The following PRC1 variants were observed in gnomAD, a reference collection of about 807,000 sequenced individuals.
The protein encoded by PRC1 is protein regulator of cytokinesis 1.
PRC1 carries 54 observed loss-of-function variants against 91.2 expected under a neutral mutation model. That is an observed-to-expected ratio of 0.59 (90% confidence interval 0.48 to 0.74). PRC1 has a LOEUF of 0.74. Among genes scored for constraint, PRC1 ranks in the 30% least tolerant of loss-of-function variants. The probability of loss-of-function intolerance (pLI) is 0.00; values close to 1 mark genes in which losing one functional copy is unlikely to be tolerated. For synonymous variants in PRC1, 275 were observed against 263.6 expected (o/e 1.04, Z -0.42); for missense variants, 727 against 746.2 (o/e 0.97, Z 0.30).
At chr15:90,967,457 A>G in intron 14 of PRC1, 1 of 519,786 alleles carries the variant, frequency 1.9e-6, no homozygotes, top group Non-Finnish European at 3.5e-6. Flanking sequence ...CACCTCACAG[A>G]AGAGAAATCC....
chr15:90,986,895 A>C (rs1000648745), intron 1 of PRC1, among the ~76,000 whole-genome samples: 2 of 150,878 alleles, frequency 1.3e-5, no homozygotes, highest in Non-Finnish European at 3.0e-5. Context: ...AGAGGAAGGA[A>C]AAAAAAAACA....
At chr15:90,967,721 TATA>T in intron 14 of PRC1, 1 of 612,560 alleles carries the variant, frequency 1.6e-6, no homozygotes, top group Non-Finnish European at 2.0e-6. Flanking sequence ...CGCCATACCA[TATA>T]GTTTAGGTGT....
In PRC1 at chr15:90,984,249, G is replaced by T; in HGVS notation, c.145-109C>A. ...TTTTTCTTTTTCTTTTTTTCTTTGAGATGGAGTCTCGCTCTGTTGCCCAGG... is the reference window on the plus strand; with the variant it reads ...TTTTTCTTTTTCTTTTTTTCTTTGATATGGAGTCTCGCTCTGTTGCCCAGG... On this transcript the variant is annotated intron_variant, in intron 2 of 14. Transcript: ENST00000394249. This position sits in a 1 kb window ranked among gnomAD's most constrained non-coding sequence, Gnocchi z 5.1. The T allele has an allele frequency of 7.0e-7, 1 of 1,424,806 alleles. No individual in the cohort carries two copies. The highest frequency in any genetic ancestry group is 9.5e-7 in the Non-Finnish European group (1 of 1,053,244). 88.3% of individuals were successfully genotyped at this position (1,424,806 alleles called of 1,614,324 possible). A position where few individuals can be genotyped will look rare whatever the true frequency, so the allele number is the denominator to read the frequency against.
rs748204564 is a variant in PRC1 at position 90,974,112 on chromosome 15, T to C, written c.1461+24A>G. The stretch of plus-strand genomic sequence containing the variant: ...CCCTCACCCACTCCCTTGAAATCAG[T>C]GTTTCCCTAAGCCTTGTGTTTACCT... On this transcript the variant is annotated intron_variant, in intron 11 of 14. Transcript: ENST00000394249. This position sits in a 1 kb window ranked among gnomAD's most constrained non-coding sequence, Gnocchi z 4.6. 3 of 1,597,634 alleles carry C rather than the reference T, an allele frequency of 1.9e-6. No homozygotes were observed. Among genetic ancestry groups the C allele is most frequent in the Non-Finnish European group, 2.6e-6 (3 of 1,165,130 alleles).
intron 1 of PRC1, among the ~76,000 whole-genome samples, chr15:90,991,763 C>T (rs1413123531): frequency 2.0e-5 from 3 of 152,140 alleles, no homozygotes; most frequent in Non-Finnish European, 4.4e-5. Context: ...TCCAGGTCAC[C>T]ACCACCAACT....
intron 11 of PRC1, 29 bp from the exon 12 acceptor site, chr15:90,970,543 T>C (rs1305830835): frequency 3.4e-6 from 5 of 1,464,234 alleles, no homozygotes; most frequent in South Asian, 1.1e-5. Context: ...GGGTAACTGA[T>C]GTGCAGTAAC....
chr15:90,968,983 A>G (rs2037799201), intron 14 of PRC1, 96 bp downstream of exon 14: 2 of 1,590,120 alleles, frequency 1.3e-6, no homozygotes, highest in East Asian at 2.2e-5. Flanking sequence ...AACACTGCTG[A>G]GATTATTAGT....
At chr15:90,970,709 A>G (rs1288370176) in intron 11 of PRC1, among the ~76,000 whole-genome samples, 195 bp from the exon 12 acceptor site, 1 of 152,260 alleles carries the variant, frequency 6.6e-6, no homozygotes, top group African/African-American at 2.4e-5. Context: ...GCCTATTGCT[A>G]TCCAGCAAAT....
At position 90,979,208 on chromosome 15, in the gene PRC1, CAA is replaced by C; in HGVS notation, c.1055_1056del (p.Phe352Ter). On this transcript the variant is annotated frameshift_variant, in exon 8 of 15. Transcript: ENST00000394249. LOFTEE classifies it high-confidence loss of function. ...KNYYEVHKELFEGVQKWEETW... is the reference protein window; with the variant it reads ...KNYYEVHKELXEGVQKWEETW... ...GTTTCTTCCCACTTCTGGACACCTT[CAA>C]AGAGTTCCTTGTGAACTTCATAGTA... 1 of 1,614,210 alleles carries C rather than the reference CAA, an allele frequency of 6.2e-7. No individual in the cohort carries two copies. The highest frequency in any genetic ancestry group is 1.1e-5 in the South Asian group (1 of 91,082).
intron 11 of PRC1, among the ~76,000 whole-genome samples, chr15:90,970,735 T>C (rs1220720575): frequency 6.6e-6 from 1 of 152,200 alleles, no homozygotes; most frequent in East Asian, 1.9e-4. Context: ...TGTACAATGG[T>C]ACAACCACTG....
intron 1 of PRC1, among the ~76,000 whole-genome samples, chr15:90,985,058 G>C (rs1397777140): frequency 6.6e-6 from 1 of 151,912 alleles, no homozygotes; most frequent in African/African-American, 2.4e-5. Context: ...TCAACCTTCT[G>C]GACTTTCAAC....
intron 14 of PRC1, chr15:90,968,399 G>T: frequency 1.0e-6 from 1 of 985,564 alleles, no homozygotes; most frequent in South Asian, 4.7e-5. Context: ...CAGGCTAGGG[G>T]TTTAACTCAA....
intron 11 of PRC1, chr15:90,973,073 C>T (rs1284875593): frequency 6.6e-6 from 1 of 152,246 alleles, no homozygotes; most frequent in Non-Finnish European, 1.5e-5. Context: ...GACAGAAAAA[C>T]CCTTTCCCAT....
intron 14 of PRC1, chr15:90,968,829 T>C: frequency 7.6e-7 from 1 of 1,308,800 alleles, no homozygotes; most frequent in Non-Finnish European, 9.8e-7. Flanking sequence ...CAAGGTTTTC[T>C]GTTAAACGTG....
In PRC1 at chr15:90,984,875, G is replaced by A. The variant is rs766820178; in HGVS notation, c.12-50C>T. 9.4e-6 allele frequency: 15 copies of A among 1,591,556 alleles called. No individual in the cohort carries two copies. In the African/African-American group the frequency reaches 9.5e-5, roughly 10 times the overall value. ...TTAGTTACATCAGTCACAGCCTCTG[G>A]ACTAAAAGCACTATTTTCGAGAACT... On this transcript the variant is annotated intron_variant, in intron 1 of 14. Coordinates refer to ENST00000394249, the MANE Select transcript of PRC1 (RefSeq NM_003981.4). The surrounding 1 kb of genome is among the most constrained non-coding windows in gnomAD (Gnocchi z 5.1).
At chr15:90,992,017 C>T (rs8033903) in intron 1 of PRC1, among the ~76,000 whole-genome samples, 4,367 of 152,320 alleles carry the variant, frequency 0.029, 206 homozygotes, top group African/African-American at 0.099. Flanking sequence ...CCTCCTTGCT[C>T]TTTCTGGAAC....
Position 90,974,687 on chromosome 15 carries a change from T to C in PRC1, c.1248A>G (p.Glu416=), listed in dbSNP as rs563808413. 1.8e-5 allele frequency: 29 copies of C among 1,614,220 alleles called. No homozygotes were observed. The South Asian group carries it at 3.0e-4, about 17-fold the overall frequency. The change falls in exon 10 of 15, where the codon GAA becomes GAG. Residue 416 remains glutamate (E), a synonymous_variant. Transcript: ENST00000394249. The surrounding 1 kb of genome is among the most constrained non-coding windows in gnomAD (Gnocchi z 4.6). ...LKARIELWEQ[E]HSKAFMVNGQ... ...CATTCACCATAAATGCCTTTGAATGTTCCTGTTCCCACAATTCAATTCGTG... is the reference window on the plus strand; with the variant it reads ...CATTCACCATAAATGCCTTTGAATGCTCCTGTTCCCACAATTCAATTCGTG...
Position 90,974,286 on chromosome 15 carries a change from A to G in PRC1, c.1351-40T>C. ...GAAGCAACAGTGATAAATCTCAGGA[A>G]GAGAGCGGGTCTGGGATGGCAACAG... is the stretch of plus-strand genomic sequence containing the variant. On this transcript the variant is annotated intron_variant, in intron 10 of 14. Coordinates refer to ENST00000394249, the MANE Select transcript of PRC1 (RefSeq NM_003981.4). This position sits in a 1 kb window ranked among gnomAD's most constrained non-coding sequence, Gnocchi z 4.6. 6.5e-7 allele frequency: 1 copy of G among 1,549,738 alleles called. No homozygotes were observed. The highest frequency in any genetic ancestry group is 8.9e-7 in the Non-Finnish European group (1 of 1,122,382).
In PRC1 at chr15:90,966,413, T is replaced by A. The variant is rs1055688343; in HGVS notation, c.*718A>T. On this transcript the variant is annotated 3_prime_UTR_variant, in exon 15 of 15. Transcript: ENST00000394249. ...CTGGCAACTGCGGGGGTAGAAGAAC[T>A]CAGGCAAAGTAGGCACAGGAATGGG... The A allele has an allele frequency of 2.0e-5, 7 of 344,676 alleles. No homozygotes were observed. Among genetic ancestry groups the A allele is most frequent in the South Asian group, 6.4e-5 (3 of 46,528 alleles). 21.4% of individuals were successfully genotyped at this position (344,676 alleles called of 1,614,324 possible).
Sources: gnomAD v4.1 joint callset for allele counts (sites outside exome capture counted in the v4.1 genomes callset) on GRCh38, gnomAD v4.1.1 for gene constraint, Gnocchi (gnomAD v3.1) non-coding constraint, MANE v1.5 for transcripts, NCBI Gene and HGNC (gene_info 2026-07-23, HGNC 2026-07-21) for gene names.